The following PCDH7 variants were observed in gnomAD, a reference collection of about 807,000 sequenced individuals.
The protein encoded by PCDH7 is protocadherin 7, also known as protocadherin-7.
Under a neutral mutation model 58.9 loss-of-function variants are expected in PCDH7, and 17 were observed. The ratio of observed to expected loss-of-function variants is 0.29; its 90% CI spans 0.20 to 0.43. The LOEUF is 0.43. Ranked by LOEUF, PCDH7 falls within the 20% of genes least tolerant of loss-of-function variation. The pLI, the probability that PCDH7 is intolerant of heterozygous loss-of-function variation, is 1.00. For synonymous variants in PCDH7, 664 were observed against 616.4 expected, an observed-to-expected ratio of 1.08 and a Z score of -1.14; for missense variants, 1,274 against 1,441.0, an observed-to-expected ratio of 0.88 and a Z score of 1.88.
chr4:30,971,371 C>G (rs1749566812), intron 3 of PCDH7, among the ~76,000 whole-genome samples: 1 of 152,146 alleles, frequency 6.6e-6, no homozygotes, highest in African/African-American at 2.4e-5. Context: ...GAAAATAAAC[C>G]CAAACACCTG....
chr4:30,749,946 C>T (rs6855232), intron 1 of PCDH7, among the ~76,000 whole-genome samples: 83,019 of 151,974 alleles, frequency 0.55, 23,395 homozygotes, highest in African/African-American at 0.68. Flanking sequence ...ATAATAACAT[C>T]TATTTACACA....
rs1434856457 is a variant in PCDH7 at position 30,723,919 on chromosome 4, A to T, written c.2497A>T (p.Thr833Ser). ...TGGGCAGCCTTCCCAGTCCACCACG[A>T]CTCTGGTGCACGTGTTTGTCAATGA... The change falls in exon 1 of 2, where the codon ACT (threonine) becomes TCT (serine). Residue 833 changes from threonine to serine, a missense_variant. This residue lies in a region of PCDH7 where 731 missense variants were observed against 881.9 expected (regional missense o/e 0.83). Transcript: ENST00000361762. This position sits in a 1 kb window ranked among gnomAD's most constrained non-coding sequence, Gnocchi z 4.6. 1.2e-6 allele frequency: 2 copies of T among 1,613,690 alleles called. No homozygotes were observed. Among genetic ancestry groups the T allele is most frequent in the Admixed American group, 3.3e-5 (2 of 59,986 alleles).
At chr4:30,733,696 T>A (rs1161542118), downstream of PCDH7, among the ~76,000 whole-genome samples, 1 of 152,184 alleles carries the variant, frequency 6.6e-6, no homozygotes, top group Non-Finnish European at 1.5e-5. Context: ...AAAGCACCAG[T>A]TTACCAAGGT....
intron 1 of PCDH7, among the ~76,000 whole-genome samples, chr4:30,835,189 G>A (rs545780746): frequency 2.8e-4 from 42 of 152,132 alleles, no homozygotes; most frequent in African/African-American, 5.1e-4. Context: ...TCCCGGGAGC[G>A]CAGAGTCAGC....
At chr4:30,985,791 G>A (rs1430738691) in intron 3 of PCDH7, among the ~76,000 whole-genome samples, 4 of 152,094 alleles carry the variant, frequency 2.6e-5, no homozygotes, top group Non-Finnish European at 2.9e-5. Context: ...TGTATGGCCC[G>A]GAGTAAACCA....
intron 1 of PCDH7, among the ~76,000 whole-genome samples, chr4:30,770,393 T>C (rs1721250364): frequency 6.6e-6 from 1 of 152,194 alleles, no homozygotes; most frequent in South Asian, 2.1e-4. Flanking sequence ...GGTTTATGAC[T>C]TCCTGCTTCT....
intron 1 of PCDH7, among the ~76,000 whole-genome samples, chr4:30,738,404 A>AAT (rs1209023712): frequency 1.3e-5 from 2 of 152,138 alleles, no homozygotes; most frequent in Admixed American, 6.5e-5. Flanking sequence ...TTGAAAAAAA[A>AAT]AAAAGGTACA....
chr4:30,978,414 G>A (rs546566873), intron 3 of PCDH7, among the ~76,000 whole-genome samples: 13 of 152,198 alleles, frequency 8.5e-5, no homozygotes. Context: ...GAGAATCTTA[G>A]CATCCTGTTT....
At chr4:31,130,467 A>G (rs1369405335) in intron 3 of PCDH7, among the ~76,000 whole-genome samples, 4 of 152,228 alleles carry the variant, frequency 2.6e-5, no homozygotes, top group African/African-American at 9.6e-5. Flanking sequence ...ATATAGGTAC[A>G]AAGCACAAAT....
chr4:30,896,189 A>C (rs1739372816), intron 1 of PCDH7, among the ~76,000 whole-genome samples: 1 of 152,148 alleles, frequency 6.6e-6, no homozygotes, highest in African/African-American at 2.4e-5. Flanking sequence ...TTGGACCGTA[A>C]ATTTGGTGTG....
chr4:31,030,774 G>C lies in PCDH7; in HGVS notation c.*7+80559G>C, dbSNP rs190020154. On this transcript the variant is annotated intron_variant, in intron 3 of 3. Coordinates refer to the PCDH7 transcript ENST00000509759. ...CAAGCAAAAAAAGACAATAGAACTT[G>C]TCTATACCATTCTTCAGATTGGTGA... 3.9e-5 allele frequency among the ~76,000 whole-genome samples: 6 copies of C among 152,252 alleles called. No individual in the cohort carries two copies. In the East Asian group the frequency reaches 1.2e-3, roughly 29 times the overall value.
chr4:31,060,952 T>TACCC (rs1560612282), intron 3 of PCDH7, among the ~76,000 whole-genome samples: 1 of 151,760 alleles, frequency 6.6e-6, no homozygotes, highest in Non-Finnish European at 1.5e-5. Context: ...TAAAACAAGA[T>TACCC]GGGTTGTTAA....
intron 3 of PCDH7, among the ~76,000 whole-genome samples, chr4:31,094,680 G>A (rs1170050005): frequency 2.0e-5 from 3 of 151,684 alleles, no homozygotes; most frequent in Non-Finnish European, 2.9e-5. Context: ...GCAAAAACCT[G>A]CCCTTCGTCC....
chr4:31,134,211 C>T (rs1158406256), intron 3 of PCDH7, among the ~76,000 whole-genome samples: 2 of 152,064 alleles, frequency 1.3e-5, no homozygotes, highest in Non-Finnish European at 2.9e-5. Context: ...CCTGTAATCC[C>T]AGCACTTTGG....
At chr4:30,986,874 A>T (rs890963759) in intron 3 of PCDH7, among the ~76,000 whole-genome samples, 1 of 151,882 alleles carries the variant, frequency 6.6e-6, no homozygotes, top group Non-Finnish European at 1.5e-5. Flanking sequence ...CCAGCTACTC[A>T]GGAGGCTGAG....
chr4:30,991,906 A>G (rs1180137909), intron 3 of PCDH7, among the ~76,000 whole-genome samples: 4 of 152,220 alleles, frequency 2.6e-5, no homozygotes, highest in Non-Finnish European at 5.9e-5. Context: ...GAATTTTACT[A>G]AATATTTGAA....
intron 1 of PCDH7, among the ~76,000 whole-genome samples, chr4:30,758,995 G>A (rs1719685208): frequency 7.1e-6 from 1 of 141,158 alleles, no homozygotes; most frequent in Admixed American, 7.3e-5. Context: ...AGGCTGGAGT[G>A]CAGTGACGTG....
At chr4:30,994,777 T>C (rs991094513) in intron 3 of PCDH7, among the ~76,000 whole-genome samples, 3 of 152,188 alleles carry the variant, frequency 2.0e-5, no homozygotes, top group East Asian at 1.9e-4. Flanking sequence ...ATTAAACTTA[T>C]AGTTTTCTAA....
intron 3 of PCDH7, among the ~76,000 whole-genome samples, chr4:31,088,252 G>A (rs1051923446): frequency 3.9e-5 from 6 of 151,940 alleles, no homozygotes; most frequent in African/African-American, 7.3e-5. Context: ...TCTATTTAGA[G>A]GATAATAGAA....
Sources: allele counts gnomAD v4.1 joint callset (sites outside exome capture counted in the v4.1 genomes callset), GRCh38; gene constraint gnomAD v4.1.1; regional missense constraint gnomAD v4.1.1; non-coding constraint Gnocchi (gnomAD v3.1); transcripts MANE v1.5; gene names NCBI Gene and HGNC (gene_info 2026-07-23, HGNC 2026-07-21).